The following CACNB2 variants were observed in gnomAD, a reference collection of about 807,000 sequenced individuals.
CACNB2 encodes the protein calcium voltage-gated channel auxiliary subunit beta 2, also known as voltage-dependent L-type calcium channel subunit beta-2.
A neutral mutation model predicts 73.3 loss-of-function variants in CACNB2; 42 were observed. That is an observed-to-expected ratio of 0.57 (90% confidence interval 0.45 to 0.74). The LOEUF (loss-of-function observed/expected upper bound fraction) is 0.74, where lower values mean the gene tolerates loss of function less well. Ranked by LOEUF, CACNB2 falls within the 30% of genes least tolerant of loss-of-function variation. The probability of loss-of-function intolerance (pLI) is 0.00; values close to 1 mark genes in which losing one functional copy is unlikely to be tolerated. For missense variants in CACNB2, 940 were observed against 853.0 expected, an observed-to-expected ratio of 1.10 and a Z score of -1.27; for synonymous variants, 348 against 310.3, an observed-to-expected ratio of 1.12 and a Z score of -1.28.
chr10:18,495,039 T>G (rs1012671081), intron 3 of CACNB2, among the ~76,000 whole-genome samples: 3 of 152,124 alleles, frequency 2.0e-5, no homozygotes, highest in Non-Finnish European at 4.4e-5. Flanking sequence ...GAATAAAAAT[T>G]TAAAAGTCTT....
At chr10:18,263,157 T>C (rs188885138) in intron 2 of CACNB2, among the ~76,000 whole-genome samples, 80 of 152,330 alleles carry the variant, frequency 5.3e-4, no homozygotes, top group East Asian at 5.0e-3. Flanking sequence ...ACTTTATGGA[T>C]TGCAGTTTTC....
At chr10:18,358,497 GCTCTCTCTCTCTCTCTCTCTCTCTCTCT>G (rs59205683) in intron 2 of CACNB2, among the ~76,000 whole-genome samples, 2 of 104,282 alleles carry the variant, frequency 1.9e-5, no homozygotes, top group African/African-American at 7.6e-5. Context: ...TAATGAGCAC[GCTCTCTCTCTCTCTCTCTCTCTCTCTCT>G]CTCTCTCTCT....
chr10:18,518,276 A>G, intron 7 of CACNB2, 60 bp from the exon 8 acceptor site: 1 of 1,149,268 alleles, frequency 8.7e-7, no homozygotes, highest in Non-Finnish European at 1.3e-6. Flanking sequence ...TACCTTATAC[A>G]CAAAATATTT....
intron 2 of CACNB2, among the ~76,000 whole-genome samples, chr10:18,236,123 A>G (rs2036433421): frequency 6.6e-6 from 1 of 152,124 alleles, no homozygotes; most frequent in South Asian, 2.1e-4. Flanking sequence ...TAAATTAGCC[A>G]GTCTCAGGTA....
chr10:18,475,363 G>GTAATATTAATGGTAATA (rs1422473054), intron 3 of CACNB2, among the ~76,000 whole-genome samples: 1 of 152,074 alleles, frequency 6.6e-6, no homozygotes, highest in Non-Finnish European at 1.5e-5. Context: ...ATTACGGTTG[G>GTAATATTAATGGTAATA]TTCCTCTGGC....
At chr10:18,318,423 T>C (rs879703436) in intron 2 of CACNB2, among the ~76,000 whole-genome samples, 1 of 152,310 alleles carries the variant, frequency 6.6e-6, no homozygotes, top group Non-Finnish European at 1.5e-5. Context: ...GCTAACCATA[T>C]GCAGAAAACT....
chr10:18,287,340 C>A (rs902596851), intron 2 of CACNB2, among the ~76,000 whole-genome samples: 1 of 151,778 alleles, frequency 6.6e-6, no homozygotes, highest in African/African-American at 2.4e-5. Context: ...AAAAAAAAAT[C>A]AAGTCACAAA....
intron 2 of CACNB2, among the ~76,000 whole-genome samples, chr10:18,333,604 A>G (rs886659661): frequency 6.6e-6 from 1 of 152,142 alleles, no homozygotes; most frequent in African/African-American, 2.4e-5. Context: ...TTTACCAAAA[A>G]CACATGTGAG....
At chr10:18,536,695 A>G (rs1347568737) in intron 12 of CACNB2, among the ~76,000 whole-genome samples, 3 of 152,208 alleles carry the variant, frequency 2.0e-5, no homozygotes, top group Admixed American at 2.0e-4. Flanking sequence ...GAGCACAAGT[A>G]ATCCAAACGA....
At chr10:18,493,822 G>A (rs1292563812) in intron 3 of CACNB2, among the ~76,000 whole-genome samples, 2 of 152,136 alleles carry the variant, frequency 1.3e-5, no homozygotes, top group African/African-American at 2.4e-5. Flanking sequence ...AGTGAGACCA[G>A]GGAATCAGAA....
intron 2 of CACNB2, among the ~76,000 whole-genome samples, chr10:18,312,834 C>A (rs7895345): frequency 0.017 from 2,548 of 152,244 alleles, 54 homozygotes; most frequent in East Asian, 0.049. Context: ...CAAATGGCAT[C>A]CAGAGTTTTA....
chr10:18,277,693 G>C (rs11013303), intron 2 of CACNB2, among the ~76,000 whole-genome samples: 1 of 151,996 alleles, frequency 6.6e-6, no homozygotes, highest in Non-Finnish European at 1.5e-5. Context: ...ACACTTATTC[G>C]TTTAATCAAT....
rs550333622 is a variant in CACNB2, at chr10:18,207,473, C to T, written c.213+56498C>T. Among the ~76,000 whole-genome samples the T allele has an allele frequency of 4.6e-4, 70 of 152,202 alleles. No individual in the cohort carries two copies. The South Asian group carries it at 7.7e-3, about 17-fold the overall frequency. ...ACTATCCATGGTTTCAGGCATCCAC[C>T]AGAGGTCTTGGAAGGCATCCCTCAT... On this transcript the variant is annotated intron_variant, in intron 2 of 13. Transcript: ENST00000324631.
intron 2 of CACNB2, among the ~76,000 whole-genome samples, chr10:18,204,873 T>C (rs1829902328): frequency 6.6e-6 from 1 of 152,050 alleles, no homozygotes; most frequent in South Asian, 2.1e-4. Context: ...ATAGAGTCAA[T>C]TTCAAGAGTA....
intron 2 of CACNB2, among the ~76,000 whole-genome samples, chr10:18,154,361 C>T (rs1185087647): frequency 1.3e-5 from 2 of 151,738 alleles, no homozygotes; most frequent in East Asian, 1.9e-4. Flanking sequence ...TCCTATCCAA[C>T]CCTCAAATTC....
At chr10:18,288,704 C>CACACACACAG (rs746197406) in intron 2 of CACNB2, among the ~76,000 whole-genome samples, 25 of 151,364 alleles carry the variant, frequency 1.7e-4, no homozygotes, top group Non-Finnish European at 2.4e-4. Flanking sequence ...CACACACACA[C>CACACACACAG]AGAGATACCC....
intron 12 of CACNB2, 103 bp downstream of exon 12, chr10:18,536,299 C>T (rs1457033269): frequency 1.9e-5 from 12 of 621,882 alleles, no homozygotes; most frequent in Non-Finnish European, 3.2e-5. Flanking sequence ...GCTCTGTTGC[C>T]CATGTTGGGA....
At chr10:18,462,869 C>T (rs1459190323) in intron 3 of CACNB2, among the ~76,000 whole-genome samples, 1 of 152,092 alleles carries the variant, frequency 6.6e-6, no homozygotes. Flanking sequence ...AGAGATTCTC[C>T]TGCCTCAGCC....
At chr10:18,289,258 C>T (rs750340304) in intron 2 of CACNB2, among the ~76,000 whole-genome samples, 56 of 149,886 alleles carry the variant, frequency 3.7e-4, no homozygotes, top group Non-Finnish European at 7.7e-4. Flanking sequence ...ATCAATCTTA[C>T]GAAGTTGTCT....
Sources: allele counts gnomAD v4.1 joint callset (sites outside exome capture counted in the v4.1 genomes callset), GRCh38; gene constraint gnomAD v4.1.1; transcripts MANE v1.5; gene names NCBI Gene and HGNC (gene_info 2026-07-23, HGNC 2026-07-21).